CSMD1: variants seen among roughly 807,000 people sequenced by gnomAD.
CSMD1 encodes the protein CUB and Sushi multiple domains 1.
Under a neutral mutation model 417.5 loss-of-function variants are expected in CSMD1, and 213 were observed. That is an observed-to-expected ratio of 0.51 (90% CI 0.46 to 0.57). The LOEUF is 0.57. CSMD1 is among the 20% of genes least tolerant of loss of function. The probability of loss-of-function intolerance (pLI) is 0.00; values close to 1 mark genes in which losing one functional copy is unlikely to be tolerated. For missense variants in CSMD1, 6,923 were observed against 4,529.7 expected, an observed-to-expected ratio of 1.53 and a Z score of -15.17; for synonymous variants, 2,862 against 1,736.8, an observed-to-expected ratio of 1.65 and a Z score of -16.11.
intron 5 of CSMD1, among the ~76,000 whole-genome samples, chr8:3,976,513 G>A (rs533067913): frequency 6.6e-6 from 1 of 152,178 alleles, no homozygotes; most frequent in African/African-American, 2.4e-5. Flanking sequence ...AATATTTGTT[G>A]AATAGTCAAA....
At chr8:4,992,687 T>C (rs1811536239) in intron 1 of CSMD1, among the ~76,000 whole-genome samples, 1 of 152,204 alleles carries the variant, frequency 6.6e-6, no homozygotes, top group African/African-American at 2.4e-5. Flanking sequence ...AGTCCAGTGC[T>C]GACCAGAGGC....
At chr8:4,336,559 G>C (rs1256567839) in intron 3 of CSMD1, among the ~76,000 whole-genome samples, 3 of 152,140 alleles carry the variant, frequency 2.0e-5, no homozygotes, top group African/African-American at 4.8e-5. Context: ...TTTCTAGATG[G>C]TTTCCAGTGG....
chr8:3,967,338 C>T (rs1272178801), intron 5 of CSMD1, among the ~76,000 whole-genome samples: 1 of 152,068 alleles, frequency 6.6e-6, no homozygotes, highest in Non-Finnish European at 1.5e-5. Context: ...ACGGCTTCTC[C>T]ATTCCGACCC....
In CSMD1 at chr8:4,637,496, G is replaced by C. The variant is rs1585371598; in HGVS notation, c.148C>G (p.His50Asp). 6.2e-7 allele frequency: 1 copy of C among 1,613,756 alleles called. No individual in the cohort carries two copies. The highest frequency in any genetic ancestry group is 1.3e-5 in the African/African-American group (1 of 74,882). ...NGTIESPGFP[H>D]GYPNYANCTW... ...CAGTTGGCATAGTTCGGATACCCGT[G>C]AGGAAACCCTGGGCTCTCAATAGTG... The change falls in exon 2 of 70, where the codon CAC becomes GAC. Residue 50 changes from histidine (H) to aspartate (D), a missense_variant. His to Asp is a moderately conservative substitution (Grantham distance 81). Transcript: ENST00000635120.
intron 68 of CSMD1, 24 bp from the exon 69 acceptor site, chr8:2,942,628 AT>A (rs1801960006): frequency 6.5e-7 from 1 of 1,532,560 alleles, no homozygotes; most frequent in Non-Finnish European, 8.8e-7. Context: ...GAAATATTAA[AT>A]TTGTTGTTAC....
chr8:4,159,960 G>A (rs376967150), intron 3 of CSMD1, among the ~76,000 whole-genome samples: 85 of 152,108 alleles, frequency 5.6e-4, no homozygotes, highest in African/African-American at 1.9e-3. Context: ...GAGGGGGTGA[G>A]GGATAAAAGA....
At chr8:4,074,869 G>A (rs1418977737) in intron 3 of CSMD1, among the ~76,000 whole-genome samples, 4 of 151,934 alleles carry the variant, frequency 2.6e-5, no homozygotes, top group Admixed American at 6.6e-5. Context: ...CCTCCAGAAT[G>A]CACACTCCTC....
intron 49 of CSMD1, 134 bp from the exon 50 acceptor site, chr8:3,052,781 C>CT (rs1360819917): frequency 0.02 from 10,535 of 532,470 alleles, 79 homozygotes; most frequent in Middle Eastern, 0.027. Flanking sequence ...CTTTTTTTTT[C>CT]TTTCTTTTTT....
At position 4,053,905 on chromosome 8, in the gene CSMD1, T is replaced by A. The variant is rs960712202; in HGVS notation, c.416-21806A>T. ...TGCTATAATTATCATAAATAATAAT[T>A]AAGGGAAAATAAAAATGTATTTACT... On this transcript the variant is annotated intron_variant, in intron 3 of 69. Coordinates refer to ENST00000635120, the MANE Select transcript of CSMD1 (RefSeq NM_033225.6). Among the ~76,000 whole-genome samples the A allele has an allele frequency of 7.9e-5, 12 of 152,282 alleles. 1 individual carries two copies. The highest frequency in any genetic ancestry group is 2.6e-4 in the African/African-American group (11 of 41,550).
At chr8:4,193,294 T>C (rs1361187349) in intron 3 of CSMD1, among the ~76,000 whole-genome samples, 3 of 152,158 alleles carry the variant, frequency 2.0e-5, no homozygotes, top group African/African-American at 2.4e-5. Context: ...TAAAATACCA[T>C]GCCCATAATG....
intron 7 of CSMD1, among the ~76,000 whole-genome samples, chr8:3,648,657 C>T (rs758483479): frequency 2.6e-5 from 4 of 152,204 alleles, no homozygotes; most frequent in African/African-American, 4.8e-5. Flanking sequence ...ACTGACCTTA[C>T]TTTGAAACAT....
intron 1 of CSMD1, among the ~76,000 whole-genome samples, chr8:4,857,647 TA>T (rs1176279164): frequency 6.6e-6 from 1 of 151,876 alleles, no homozygotes; most frequent in Non-Finnish European, 1.5e-5. Context: ...TCTACGCAAA[TA>T]AACTAGAAAA....
At chr8:3,528,485 A>C (rs1797845000) in intron 10 of CSMD1, among the ~76,000 whole-genome samples, 1 of 152,242 alleles carries the variant, frequency 6.6e-6, no homozygotes, top group Non-Finnish European at 1.5e-5. Flanking sequence ...TTGAGGAAGA[A>C]GACATTTCCT....
At chr8:4,883,715 T>G (rs1383227493) in intron 1 of CSMD1, among the ~76,000 whole-genome samples, 2 of 152,138 alleles carry the variant, frequency 1.3e-5, no homozygotes, top group Non-Finnish European at 2.9e-5. Context: ...TTTTGTGTAT[T>G]TATTCTTTGG....
At chr8:4,225,022 C>A (rs992709151) in intron 3 of CSMD1, among the ~76,000 whole-genome samples, 1 of 152,156 alleles carries the variant, frequency 6.6e-6, no homozygotes, top group African/African-American at 2.4e-5. Flanking sequence ...TGAGGCAAGA[C>A]AATCGCTTGA....
chr8:4,146,971 G>T (rs1804174624), intron 3 of CSMD1, among the ~76,000 whole-genome samples: 1 of 151,864 alleles, frequency 6.6e-6, no homozygotes, highest in South Asian at 2.1e-4. Flanking sequence ...TCTTCATCAG[G>T]TAAGAGCTCC....
In CSMD1 at chr8:4,293,102, A is replaced by G. The variant is rs370049470; in HGVS notation, c.415+126851T>C. ...CATGCACTGCACATGCGGAAACAGC[A>G]GGAGGGGGCTACCAGCATCGCCCTC... On this transcript the variant is annotated intron_variant, in intron 3 of 69. Transcript: ENST00000635120. 7.2e-5 allele frequency among the ~76,000 whole-genome samples: 11 copies of G among 152,304 alleles called. No homozygotes were observed. In the South Asian group the frequency reaches 2.1e-3, roughly 29 times the overall value.
intron 7 of CSMD1, among the ~76,000 whole-genome samples, chr8:3,688,809 T>C (rs1161563717): frequency 6.6e-6 from 1 of 151,994 alleles, no homozygotes; most frequent in East Asian, 1.9e-4. Flanking sequence ...CTATAGTAAA[T>C]AAAACAGTGT....
intron 36 of CSMD1, among the ~76,000 whole-genome samples, chr8:3,182,055 G>T (rs548469694): frequency 6.6e-6 from 1 of 152,230 alleles, no homozygotes; most frequent in African/African-American, 2.4e-5. Flanking sequence ...CGATGTCAAA[G>T]AACTATCCAT....
Sources: allele counts gnomAD v4.1 joint callset (sites outside exome capture counted in the v4.1 genomes callset), GRCh38; gene constraint gnomAD v4.1.1; transcripts MANE v1.5; gene names NCBI Gene and HGNC (gene_info 2026-07-23, HGNC 2026-07-21).